Variants in C1QTNF1 observed in about 807,000 individuals in gnomAD.
The protein encoded by C1QTNF1 is C1q and TNF related 1, also known as complement C1q tumor necrosis factor-related protein 1.
A neutral mutation model predicts 27.8 loss-of-function variants in C1QTNF1; 22 were observed. The ratio of observed to expected loss-of-function variants is 0.79; its 90% confidence interval spans 0.56 to 1.13. The LOEUF (loss-of-function observed/expected upper bound fraction) is 1.13, where lower values mean the gene tolerates loss of function less well. Among genes scored for constraint, C1QTNF1 ranks in the 50% most tolerant of loss-of-function variants. C1QTNF1 has a pLI of 0.00. For missense variants in C1QTNF1, 373 were observed against 380.2 expected (o/e 0.98, Z 0.16); for synonymous variants, 166 against 154.3 (o/e 1.08, Z -0.56).
chr17:79,026,750 G>T (rs1211953996), intron 1 of C1QTNF1, among the ~76,000 whole-genome samples: 1 of 152,158 alleles, frequency 6.6e-6, no homozygotes, highest in Admixed American at 6.5e-5. Flanking sequence ...TCCCAGGCAG[G>T]TGCAGCCAGC....
intron 1 of C1QTNF1, among the ~76,000 whole-genome samples, chr17:79,040,677 T>C (rs1020118108): frequency 6.9e-6 from 1 of 144,060 alleles, no homozygotes; most frequent in Non-Finnish European, 1.5e-5. Flanking sequence ...GCAGATCACT[T>C]GAGCCCGGGA....
Position 79,046,742 on chromosome 17 carries a change from C to T in C1QTNF1, c.295+48C>T. ...CACGGGGTGGCCGGGCTGCTCTGTG[C>T]TGATCCGGAGGAAGGGATGGAGTCG... On this transcript the variant is annotated intron_variant, in intron 3 of 3. Transcript: ENST00000579760. The surrounding 1 kb of genome is among the most constrained non-coding windows in gnomAD (Gnocchi z 4.8). 6.2e-7 allele frequency: 1 copy of T among 1,609,128 alleles called. No individual in the cohort carries two copies.
chr17:79,028,891 T>C (rs2072049325), intron 1 of C1QTNF1, among the ~76,000 whole-genome samples: 1 of 151,638 alleles, frequency 6.6e-6, no homozygotes, highest in Non-Finnish European at 1.5e-5. Flanking sequence ...AAGGTGTGTG[T>C]GTGTGTGTGT....
chr17:79,046,064 C>T lies in C1QTNF1; in HGVS notation c.156-491C>T, dbSNP rs62063762. Reference sequence around the variant, plus strand: ...CGAGGTGGCAGCCAGGAGCCGCCGCCGTCCATCCTGCCTGCGGGCTTGTCC... The same window carrying T: ...CGAGGTGGCAGCCAGGAGCCGCCGCTGTCCATCCTGCCTGCGGGCTTGTCC... On this transcript the variant is annotated intron_variant, in intron 2 of 3. Transcript: ENST00000579760. The surrounding 1 kb of genome is among the most constrained non-coding windows in gnomAD (Gnocchi z 4.8). Among the ~76,000 whole-genome samples, 13,786 of 152,210 alleles carry T rather than the reference C, an allele frequency of 0.091. 675 individuals are homozygous for T. Among genetic ancestry groups the T allele is most frequent in the Middle Eastern group, 0.14 (41 of 294 alleles).
intron 1 of C1QTNF1, chr17:79,025,151 G>A (rs1368141227): frequency 6.6e-6 from 1 of 152,380 alleles, no homozygotes; most frequent in Non-Finnish European, 1.5e-5. Context: ...CCCCGGCCTG[G>A]GGCTGGAGCC....
intron 1 of C1QTNF1, among the ~76,000 whole-genome samples, chr17:79,029,377 C>A (rs1051834298): frequency 6.6e-6 from 1 of 152,170 alleles, no homozygotes; most frequent in Non-Finnish European, 1.5e-5. Context: ...CACTGTGGAA[C>A]CTGGGGCAAG....
rs538183392 is a variant in C1QTNF1 at position 79,034,692 on chromosome 17, A to G, written c.-14-9263A>G. On this transcript the variant is annotated intron_variant, in intron 1 of 3. Coordinates refer to ENST00000579760, the MANE Select transcript of C1QTNF1 (RefSeq NM_030968.5). ...AACCGTTGCTAATTAAGTAGCAAGTAACCCTGGAAGAGTCTGTATTCATCC... is the reference window on the plus strand; with the variant it reads ...AACCGTTGCTAATTAAGTAGCAAGTGACCCTGGAAGAGTCTGTATTCATCC... 2.0e-5 allele frequency among the ~76,000 whole-genome samples: 3 copies of G among 152,366 alleles called. No individual in the cohort carries two copies. In the South Asian group the frequency reaches 6.2e-4, roughly 32 times the overall value.
chr17:79,023,704 G>GCGCGCGCGCACA (rs1267428917), upstream of C1QTNF1, among the ~76,000 whole-genome samples: 115 of 145,026 alleles, frequency 7.9e-4, no homozygotes, highest in East Asian at 0.01. Context: ...GCGCGCGCGC[G>GCGCGCGCGCACA]CACACACACA....
chr17:79,046,286 C>T lies in C1QTNF1; in HGVS notation c.156-269C>T, dbSNP rs562777524. On this transcript the variant is annotated intron_variant, in intron 2 of 3. Transcript: ENST00000579760. The surrounding 1 kb of genome is among the most constrained non-coding windows in gnomAD (Gnocchi z 4.8). ...CTCTCTTAGAAGTGTGGATTTCTCCCGAGCAGCCCCCATCTTGCGTGGCAC... is the reference window on the plus strand; with the variant it reads ...CTCTCTTAGAAGTGTGGATTTCTCCTGAGCAGCCCCCATCTTGCGTGGCAC... 1.3e-5 allele frequency among the ~76,000 whole-genome samples: 2 copies of T among 152,202 alleles called. No individual in the cohort carries two copies. The highest frequency in any genetic ancestry group is 2.9e-5 in the Non-Finnish European group (2 of 68,034).
chr17:79,043,766 G>A (rs1426323491), intron 1 of C1QTNF1, 189 bp from the exon 2 acceptor site: 7 of 702,714 alleles, frequency 1.0e-5, no homozygotes, highest in African/African-American at 8.7e-5. Context: ...GTGAGTGCGT[G>A]TATGCATGCA....
intron 1 of C1QTNF1, among the ~76,000 whole-genome samples, chr17:79,037,770 G>A (rs1200304927): frequency 6.6e-6 from 1 of 152,062 alleles, no homozygotes. Flanking sequence ...CTGGACTCAG[G>A]TGATCCTCCT....
At chr17:79,034,021 G>T (rs747489108) in intron 1 of C1QTNF1, among the ~76,000 whole-genome samples, 1 of 152,202 alleles carries the variant, frequency 6.6e-6, no homozygotes, top group Non-Finnish European at 1.5e-5. Flanking sequence ...GAAGCCCCAG[G>T]CTGGGGATAA....
chr17:79,028,489 C>T lies in C1QTNF1; in HGVS notation c.-15+3995C>T, dbSNP rs116997946. On this transcript the variant is annotated intron_variant, in intron 1 of 3. Transcript: ENST00000579760. ...TGGGGACAGAGGTGTGTTCAGAAAA[C>T]GCTTAGACCCATTCTCCTTGTAAAG... 2.5e-3 allele frequency among the ~76,000 whole-genome samples: 380 copies of T among 152,276 alleles called. 3 individuals carry two copies. The highest frequency in any genetic ancestry group is 8.4e-4 in the Non-Finnish European group (57 of 68,024).
At chr17:79,034,305 C>G (rs755403215) in intron 1 of C1QTNF1, 1 of 152,386 alleles carries the variant, frequency 6.6e-6, no homozygotes, top group Non-Finnish European at 1.5e-5. Flanking sequence ...CTCTCTCACA[C>G]GGTTCTCAAA....
At chr17:79,027,979 A>G (rs1049351933) in intron 1 of C1QTNF1, among the ~76,000 whole-genome samples, 5 of 152,156 alleles carry the variant, frequency 3.3e-5, no homozygotes, top group Admixed American at 6.5e-5. Flanking sequence ...CCAGCTTCAG[A>G]TGGGGCTGGC....
intron 1 of C1QTNF1, among the ~76,000 whole-genome samples, chr17:79,030,313 G>A (rs1377265700): frequency 6.9e-6 from 1 of 145,214 alleles, no homozygotes; most frequent in Non-Finnish European, 1.5e-5. Flanking sequence ...TTGGGTCTTT[G>A]TGGTTTTGTG....
chr17:79,047,459 G>T, intron 3 of C1QTNF1, 79 bp from the exon 4 acceptor site: 1 of 1,376,794 alleles, frequency 7.3e-7, no homozygotes, highest in South Asian at 1.4e-5. Context: ...CAGCGCCAGG[G>T]ACCGGAGAGT....
At chr17:79,030,534 T>TCTC (rs2072112496) in intron 1 of C1QTNF1, among the ~76,000 whole-genome samples, 1 of 149,626 alleles carries the variant, frequency 6.7e-6, no homozygotes, top group Non-Finnish European at 1.5e-5. Flanking sequence ...TCTTTCTTCT[T>TCTC]TCTTTCTTTT....
At chr17:79,041,460 G>A (rs1408845698) in intron 1 of C1QTNF1, among the ~76,000 whole-genome samples, 2 of 152,136 alleles carry the variant, frequency 1.3e-5, no homozygotes, top group South Asian at 2.1e-4. Context: ...AGGGCTCTGC[G>A]GGGAGCCCTT....
Sources: gnomAD v4.1 joint callset for allele counts (sites outside exome capture counted in the v4.1 genomes callset) on GRCh38, gnomAD v4.1.1 for gene constraint, Gnocchi (gnomAD v3.1) non-coding constraint, MANE v1.5 for transcripts, NCBI Gene and HGNC (gene_info 2026-07-23, HGNC 2026-07-21) for gene names.